Variants in SNTG2 observed in about 807,000 individuals in gnomAD.
SNTG2 encodes syntrophin gamma 2, also known as gamma-2-syntrophin.
SNTG2 carries 74 observed loss-of-function variants against 70.9 expected under a neutral mutation model. The observed-to-expected ratio is 1.04, with a 90% confidence interval of 0.86 to 1.27. SNTG2 has a LOEUF of 1.27. Among genes scored for constraint, SNTG2 ranks in the 50% most tolerant of loss-of-function variants. The pLI is 0.00. For missense variants in SNTG2, 717 were observed against 690.7 expected (o/e 1.04, Z -0.43); for synonymous variants, 278 against 273.8 (o/e 1.02, Z -0.15).
chr2:988,321 A>G (rs999158604), intron 1 of SNTG2, among the ~76,000 whole-genome samples: 3 of 152,170 alleles, frequency 2.0e-5, no homozygotes, highest in African/African-American at 7.2e-5. Flanking sequence ...CCCTGAGTCC[A>G]TTGCAGTTAA....
chr2:1,296,180 G>A (rs762370149), intron 14 of SNTG2, among the ~76,000 whole-genome samples: 41 of 152,254 alleles, frequency 2.7e-4, no homozygotes, highest in South Asian at 4.1e-4. Context: ...CCTCTGCCTC[G>A]CACCATGGCC....
At position 963,134 on chromosome 2, in the gene SNTG2, T is replaced by A. The variant is rs577323622; in HGVS notation, c.72+12066T>A. ...CATCAGACTATGATTTGAGCTTTTT[T>A]TAAAAAAAAAACTTCATTATTTGAA... On this transcript the variant is annotated intron_variant, in intron 1 of 16. Coordinates refer to ENST00000308624, the MANE Select transcript of SNTG2 (RefSeq NM_018968.4). Among the ~76,000 whole-genome samples, 106 of 151,382 alleles carry A rather than the reference T, an allele frequency of 7.0e-4. 1 individual carries two copies. Among genetic ancestry groups the A allele is most frequent in the Middle Eastern group, 6.8e-3 (2 of 292 alleles).
At chr2:1,158,283 A>C (rs1670033805) in intron 6 of SNTG2, 1 of 152,182 alleles carries the variant, frequency 6.6e-6, no homozygotes, top group African/African-American at 2.4e-5. Flanking sequence ...GCATTTAAAA[A>C]TTTACATAGA....
At chr2:1,238,436 T>C (rs963700644) in intron 10 of SNTG2, among the ~76,000 whole-genome samples, 2 of 152,324 alleles carry the variant, frequency 1.3e-5, no homozygotes, top group African/African-American at 4.8e-5. Flanking sequence ...ATTATGAAGA[T>C]TTAGAAAAAG....
chr2:998,311 TG>T (rs1661758776), intron 1 of SNTG2, among the ~76,000 whole-genome samples: 1 of 151,568 alleles, frequency 6.6e-6, no homozygotes, highest in Non-Finnish European at 1.5e-5. Context: ...AATGAAAACA[TG>T]GAAATACAGA....
chr2:1,360,654 A>AC (rs890442287), intron 16 of SNTG2, among the ~76,000 whole-genome samples: 6 of 151,226 alleles, frequency 4.0e-5, no homozygotes, highest in East Asian at 3.9e-4. Flanking sequence ...AAACAAACAA[A>AC]AAAAAAGTCT....
intron 1 of SNTG2, among the ~76,000 whole-genome samples, chr2:1,029,714 G>T (rs1244587955): frequency 6.6e-6 from 1 of 152,182 alleles, no homozygotes; most frequent in Admixed American, 6.5e-5. Context: ...TGCCCCCTCA[G>T]TGCTCCTGTG....
intron 14 of SNTG2, among the ~76,000 whole-genome samples, chr2:1,306,709 T>TGTGTGTGTGC (rs1298537166): frequency 6.7e-6 from 1 of 150,366 alleles, no homozygotes; most frequent in Non-Finnish European, 1.5e-5. Flanking sequence ...TGTGTGTGTG[T>TGTGTGTGTGC]GCCATGCACT....
intron 6 of SNTG2, 104 bp from the exon 7 acceptor site, chr2:1,165,444 C>A: frequency 9.0e-7 from 1 of 1,115,358 alleles, no homozygotes; most frequent in Admixed American, 2.4e-5. Flanking sequence ...TAACTATGAA[C>A]TTTGAATTCT....
intron 13 of SNTG2, among the ~76,000 whole-genome samples, chr2:1,263,757 C>G (rs953592436): frequency 1.3e-5 from 2 of 152,204 alleles, no homozygotes; most frequent in Non-Finnish European, 2.9e-5. Context: ...GCCCTGCATG[C>G]TGGCCACTCT....
intron 1 of SNTG2, among the ~76,000 whole-genome samples, chr2:964,256 G>T (rs1334741873): frequency 1.3e-5 from 2 of 152,164 alleles, no homozygotes; most frequent in African/African-American, 4.8e-5. Context: ...TTATAGTTGT[G>T]TGGAAAGTTT....
At chr2:1,362,734 C>T (rs1190829236) in intron 16 of SNTG2, among the ~76,000 whole-genome samples, 2 of 151,400 alleles carry the variant, frequency 1.3e-5, no homozygotes, top group South Asian at 2.1e-4. Context: ...TGAAAGTCAC[C>T]GACGCTGAGC....
chr2:1,262,978 C>T (rs1264323153), intron 13 of SNTG2: 1 of 152,248 alleles, frequency 6.6e-6, no homozygotes, highest in African/African-American at 2.4e-5. Context: ...AAAGGAGCTA[C>T]AGGAACTATC....
intron 1 of SNTG2, among the ~76,000 whole-genome samples, chr2:1,004,860 A>G (rs956768307): frequency 2.0e-5 from 3 of 152,244 alleles, no homozygotes; most frequent in Admixed American, 6.5e-5. Flanking sequence ...AAAAACATGC[A>G]GAGATGTTAA....
In SNTG2 at chr2:956,324, TTCCAAAACTCCTC is replaced by T. The variant is rs567639518; in HGVS notation, c.72+5259_72+5271del. Among the ~76,000 whole-genome samples, 426 of 151,784 alleles carry T rather than the reference TTCCAAAACTCCTC, an allele frequency of 2.8e-3. 4 individuals carry two copies. Among genetic ancestry groups the T allele is most frequent in the South Asian group, 0.018 (89 of 4,818 alleles). On this transcript the variant is annotated intron_variant, in intron 1 of 16. Transcript: ENST00000308624. The stretch of plus-strand genomic sequence containing the variant: ...CCTGCTGGGCATTCTGCGCGGACCT[TTCCAAAACTCCTC>T]TCTGCAGCTCAGTCCGGAGCAGGGT...
chr2:1,262,724 C>CCAGACGAGGCAACCCGAAGGCTCCGTG (rs1558610945), intron 13 of SNTG2: 13 of 59,812 alleles, frequency 2.2e-4, no homozygotes, highest in Non-Finnish European at 3.9e-4. Context: ...AAGGCTCCGT[C>CCAGACGAGGCAACCCGAAGGCTCCGTG]CAGACGAGGC....
intron 1 of SNTG2, among the ~76,000 whole-genome samples, chr2:1,010,659 T>C (rs1377507708): frequency 1.3e-5 from 2 of 152,180 alleles, no homozygotes; most frequent in Non-Finnish European, 2.9e-5. Flanking sequence ...CAGATGGTGC[T>C]TGGTTGTGGG....
intron 1 of SNTG2, 87 bp from the exon 2 acceptor site, chr2:1,083,431 T>A: frequency 7.7e-6 from 11 of 1,434,034 alleles, no homozygotes; most frequent in Non-Finnish European, 9.7e-6. Context: ...TTTAGGATTG[T>A]CTTGAGCAGG....
intron 1 of SNTG2, among the ~76,000 whole-genome samples, chr2:1,077,671 T>C (rs1446910260): frequency 6.6e-6 from 1 of 152,152 alleles, no homozygotes; most frequent in Non-Finnish European, 1.5e-5. Flanking sequence ...CCCAATATGC[T>C]TACACACATC....
Sources: gnomAD v4.1 joint callset for allele counts (sites outside exome capture counted in the v4.1 genomes callset) on GRCh38, gnomAD v4.1.1 for gene constraint, MANE v1.5 for transcripts, NCBI Gene and HGNC (gene_info 2026-07-23, HGNC 2026-07-21) for gene names.